The following MYO3A variants were observed in gnomAD, a reference collection of about 807,000 sequenced individuals.
MYO3A encodes the protein myosin IIIA.
A neutral mutation model predicts 192.7 loss-of-function variants in MYO3A; 180 were observed. The observed-to-expected ratio is 0.93, with a 90% CI of 0.83 to 1.06. The LOEUF (loss-of-function observed/expected upper bound fraction) is 1.06. Among genes scored for constraint, MYO3A ranks in the 50% least tolerant of loss-of-function variants. The pLI, the probability that MYO3A is intolerant of heterozygous loss-of-function variation, is 0.00. For synonymous variants in MYO3A, 628 were observed against 645.3 expected (o/e 0.97, Z 0.41); for missense variants, 1,896 against 1,905.0 (o/e 1.00, Z 0.09).
At chr10:25,967,356 G>A (rs1380912515) in intron 4 of MYO3A, among the ~76,000 whole-genome samples, 2 of 152,100 alleles carry the variant, frequency 1.3e-5, no homozygotes, top group African/African-American at 2.4e-5. Flanking sequence ...TTCACTGAAC[G>A]CCTGAGACAT....
At chr10:26,145,600 T>A in intron 22 of MYO3A, 66 bp downstream of exon 22, 1 of 1,227,194 alleles carries the variant, frequency 8.1e-7, no homozygotes, top group Non-Finnish European at 1.2e-6. Context: ...AGGATAGACA[T>A]GAAAATTATG....
intron 31 of MYO3A, among the ~76,000 whole-genome samples, chr10:26,189,462 A>C (rs567100983): frequency 1.3e-5 from 2 of 152,346 alleles, no homozygotes; most frequent in Non-Finnish European, 2.9e-5. Flanking sequence ...TGAAAGCTTC[A>C]TGAAAGAGAT....
In MYO3A at chr10:26,173,975, C is replaced by A; in HGVS notation, c.3711C>A (p.Ile1237=). The part of the protein sequence containing the change: ...LRKVEKEEAM[I]QSYYQRYTEE... ...AAGTGGAGAAAGAGGAAGCTATGAT[C>A]CAGAGTTACTATCAGAGGTACACAG... is the stretch of plus-strand genomic sequence containing the variant. The change falls in exon 30 of 35, where the codon ATC becomes ATA. Residue 1237 remains isoleucine, a synonymous_variant. Coordinates refer to ENST00000642920, the MANE Select transcript of MYO3A (RefSeq NM_017433.5). 6.2e-7 allele frequency: 1 copy of A among 1,608,038 alleles called. No homozygotes were observed. The highest frequency in any genetic ancestry group is 2.2e-5 in the East Asian group (1 of 44,858).
Position 26,026,499 on chromosome 10 carries a change from T to C in MYO3A, c.920T>C (p.Ile307Thr). The change falls in exon 10 of 35, where the codon ATC becomes ACC. Residue 307 changes from isoleucine (I) to threonine (T), a missense_variant. Coordinates refer to ENST00000642920, the MANE Select transcript of MYO3A (RefSeq NM_017433.5). Reference protein sequence around the residue: ...LQKQLTEFIGIHQCMGGTEKA... With the variant: ...LQKQLTEFIGTHQCMGGTEKA... ...AAACAACTAACGGAATTCATTGGCA[T>C]CCATCAATGCATGGGAGGCACAGAA... The C allele has an allele frequency of 6.2e-7, 1 of 1,614,150 alleles. No individual in the cohort carries two copies. The highest frequency in any genetic ancestry group is 1.1e-5 in the South Asian group (1 of 91,086).
rs201485646 is a variant in MYO3A at position 26,070,200 on chromosome 10, A to G, written c.1260A>G (p.Thr420=). 1.9e-6 allele frequency: 3 copies of G among 1,609,782 alleles called. No homozygotes were observed. The Admixed American group carries it at 5.0e-5, about 27-fold the overall frequency. ...ACTTAGGATATCAATCTATGATAAC[A>G]TATAATTCAGATCAGGTAAGAAGAG... ...MADLGYQSMI[T]YNSDQCIVIS... is the part of the protein sequence containing the mutation. The change falls in exon 13 of 35, where the codon ACA becomes ACG. Residue 420 remains threonine (T), a synonymous_variant. Coordinates refer to ENST00000642920, the MANE Select transcript of MYO3A (RefSeq NM_017433.5).
chr10:26,070,040 A>G lies in MYO3A; in HGVS notation c.1171-71A>G, dbSNP rs1564517674. Reference sequence around the variant, plus strand: ...ATACTTTGCTTTAAAAATTGGAGCTATATTTGTAAATAATTCAGGACTTAA... The same window carrying G: ...ATACTTTGCTTTAAAAATTGGAGCTGTATTTGTAAATAATTCAGGACTTAA... On this transcript the variant is annotated intron_variant, in intron 12 of 34. Transcript: ENST00000642920. The G allele has an allele frequency of 5.4e-6, 6 of 1,104,978 alleles. No individual in the cohort carries two copies. In the South Asian group the frequency reaches 8.2e-5, roughly 15 times the overall value. 68.4% of individuals were successfully genotyped at this position (1,104,978 alleles called of 1,614,324 possible).
chr10:25,968,410 A>AT (rs1190519498), intron 4 of MYO3A, among the ~76,000 whole-genome samples: 1 of 152,220 alleles, frequency 6.6e-6, no homozygotes, highest in African/African-American at 2.4e-5. Flanking sequence ...GTCAAAGAAC[A>AT]TTTTTTAGGC....
chr10:26,160,453 G>A (rs927591418), intron 26 of MYO3A, among the ~76,000 whole-genome samples: 4 of 152,110 alleles, frequency 2.6e-5, no homozygotes, highest in African/African-American at 9.7e-5. Context: ...GACCAGCCTG[G>A]GCAATGTAGC....
At chr10:26,166,373 A>G (rs1035785724) in intron 27 of MYO3A, 195 bp downstream of exon 27, 1 of 615,758 alleles carries the variant, frequency 1.6e-6, no homozygotes, top group Admixed American at 2.9e-5. Context: ...CTTCATAAAG[A>G]TTTCTTTTAA....
chr10:26,117,964 G>A (rs905419515), intron 17 of MYO3A, among the ~76,000 whole-genome samples: 2 of 152,196 alleles, frequency 1.3e-5, no homozygotes, highest in Admixed American at 1.3e-4. Flanking sequence ...CACCAACAGT[G>A]TAGGAGCGTT....
chr10:26,012,889 A>G (rs980634598), intron 6 of MYO3A, among the ~76,000 whole-genome samples: 1 of 152,222 alleles, frequency 6.6e-6, no homozygotes, highest in African/African-American at 2.4e-5. Context: ...ACAAGGCTGT[A>G]ATTACCAAAA....
chr10:26,026,356 T>C, intron 9 of MYO3A, 21 bp from the exon 10 acceptor site: 2 of 1,613,738 alleles, frequency 1.2e-6, no homozygotes, highest in Non-Finnish European at 1.7e-6. Flanking sequence ...AATAATTGCA[T>C]GTTCTTTTTT....
chr10:25,993,299 A>G (rs1840177563), intron 4 of MYO3A, among the ~76,000 whole-genome samples: 1 of 152,128 alleles, frequency 6.6e-6, no homozygotes, highest in Admixed American at 6.5e-5. Flanking sequence ...ATTTGCGTAG[A>G]GGTGTTTATA....
At chr10:26,180,715 A>G (rs920716005) in intron 31 of MYO3A, among the ~76,000 whole-genome samples, 2 of 94,320 alleles carry the variant, frequency 2.1e-5, no homozygotes, top group Non-Finnish European at 4.1e-5. Flanking sequence ...AATAATAGCA[A>G]AAAAAAAAAA....
intron 6 of MYO3A, among the ~76,000 whole-genome samples, chr10:26,011,306 C>T (rs754089225): frequency 3.3e-5 from 5 of 151,950 alleles, no homozygotes; most frequent in East Asian, 3.9e-4. Context: ...TGGTAGTGTG[C>T]GCCTGTAGTG....
At chr10:26,075,679 GTC>G (rs751893651) in intron 14 of MYO3A, among the ~76,000 whole-genome samples, 1 of 136,344 alleles carries the variant, frequency 7.3e-6, no homozygotes, top group Non-Finnish European at 1.6e-5. Context: ...ATATATATAT[GTC>G]TCTCTCATAT....
At chr10:26,017,055 T>TG in intron 7 of MYO3A, 159 bp downstream of exon 7, 5 of 751,066 alleles carry the variant, frequency 6.7e-6, no homozygotes, top group South Asian at 6.0e-5. Flanking sequence ...AGGAGGCACC[T>TG]GGGAGGTGGT....
intron 4 of MYO3A, among the ~76,000 whole-genome samples, chr10:25,993,911 C>A (rs1840239817): frequency 6.6e-6 from 1 of 152,148 alleles, no homozygotes; most frequent in South Asian, 2.1e-4. Flanking sequence ...TTTACATTTG[C>A]TGAGGAGTGC....
intron 10 of MYO3A, among the ~76,000 whole-genome samples, chr10:26,059,479 A>T (rs34558407): frequency 0.47 from 71,869 of 152,002 alleles, 17,834 homozygotes; most frequent in Middle Eastern, 0.59. Flanking sequence ...ATGTGATGAA[A>T]TATATTAATT....
Sources: allele counts gnomAD v4.1 joint callset (sites outside exome capture counted in the v4.1 genomes callset), GRCh38; gene constraint gnomAD v4.1.1; transcripts MANE v1.5; gene names NCBI Gene and HGNC (gene_info 2026-07-23, HGNC 2026-07-21).